Variants in TRIM66 observed in about 807,000 individuals in gnomAD.
TRIM66 encodes tripartite motif-containing protein 66.
TRIM66 carries 99 observed loss-of-function variants against 148.2 expected under a neutral mutation model. The ratio of observed to expected loss-of-function variants is 0.67; its 90% CI spans 0.57 to 0.79. The LOEUF is 0.79. Ranked by LOEUF, TRIM66 falls within the 30% of genes least tolerant of loss-of-function variation. TRIM66 has a pLI of 0.00. For synonymous variants in TRIM66, 616 were observed against 635.9 expected (o/e 0.97, Z 0.47); for missense variants, 1,666 against 1,697.9 (o/e 0.98, Z 0.33).
At chr11:8,643,226 G>A (rs2036553732) in intron 12 of TRIM66, 100 bp from the exon 13 acceptor site, 2 of 981,086 alleles carry the variant, frequency 2.0e-6, no homozygotes, top group Admixed American at 2.4e-5. Context: ...TCAAAGTCAT[G>A]GCCCTTTAAC....
Position 8,643,037 on chromosome 11 carries a change from G to GT in TRIM66, c.1193dup (p.Asn398LysfsTer16), listed in dbSNP as rs760736587. 6.4e-7 allele frequency: 1 copy of GT among 1,551,302 alleles called. No homozygotes were observed. The highest frequency in any genetic ancestry group is 1.2e-5 in the South Asian group (1 of 83,972). Reference sequence around the variant, plus strand: ...GAGAAGCTAGCTGCTTGGTCCAGAAGTTAGGCTCCCAGGTGAATCTGATAC... The same window carrying GT: ...GAGAAGCTAGCTGCTTGGTCCAGAAGTTTAGGCTCCCAGGTGAATCTGATAC... On this transcript the variant is annotated frameshift_variant, in exon 13 of 25. Coordinates refer to ENST00000646038, the MANE Select transcript of TRIM66 (RefSeq NM_001388022.1). LOFTEE classifies it high-confidence loss of function.
chr11:8,674,072 A>C (rs2039068659), intron 4 of TRIM66, among the ~76,000 whole-genome samples: 1 of 152,252 alleles, frequency 6.6e-6, no homozygotes, highest in South Asian at 2.1e-4. Context: ...AGACGAGGAC[A>C]GTCTCTATTA....
chr11:8,614,976 T>C lies in TRIM66; in HGVS notation c.*2968A>G, dbSNP rs914649721. The stretch of plus-strand genomic sequence containing the variant: ...CGGAGTCTCGTTCTGTTGCCCAGGC[T>C]GGAATGCAATGGCATGATCTCAGCT... On this transcript the variant is annotated 3_prime_UTR_variant, in exon 25 of 25. Coordinates refer to ENST00000646038, the MANE Select transcript of TRIM66 (RefSeq NM_001388022.1). 6 of 152,274 alleles carry C rather than the reference T, an allele frequency of 3.9e-5. No individual in the cohort carries two copies. Among genetic ancestry groups the C allele is most frequent in the African/African-American group, 1.4e-4 (6 of 41,434 alleles). The allele number at this position is 152,274 out of a possible 1,614,324, so 9.4% of individuals were successfully genotyped here. A position where few individuals can be genotyped will look rare whatever the true frequency, so the allele number is the denominator to read the frequency against.
At chr11:8,671,126 C>T (rs1320799714) in intron 6 of TRIM66, among the ~76,000 whole-genome samples, 1 of 152,208 alleles carries the variant, frequency 6.6e-6, no homozygotes, top group Non-Finnish European at 1.5e-5. Flanking sequence ...GGAAATACTG[C>T]AGAGAACAAA....
chr11:8,669,984 AGTT>A (rs2038835139), intron 6 of TRIM66, among the ~76,000 whole-genome samples: 1 of 150,682 alleles, frequency 6.6e-6, no homozygotes, highest in Admixed American at 6.6e-5. Flanking sequence ...CCTGATGGGT[AGTT>A]TTTTGTTTTG....
chr11:8,643,027 T>C lies in TRIM66; in HGVS notation c.1204A>G (p.Lys402Glu). 1.3e-6 allele frequency: 2 copies of C among 1,550,522 alleles called. No individual in the cohort carries two copies. Among genetic ancestry groups the C allele is most frequent in the African/African-American group, 2.7e-5 (2 of 73,036 alleles). The change falls in exon 13 of 25, where the codon AAG (lysine) becomes GAG (glutamate). Residue 402 changes from lysine to glutamate, a missense_variant. By Grantham distance (56) the Lys-to-Glu change is moderately conservative. Coordinates refer to ENST00000646038, the MANE Select transcript of TRIM66 (RefSeq NM_001388022.1). ...RFTWEPNFWT[K>E]QLASLGCITT... is the part of the protein sequence containing the mutation. Reference sequence around the variant, plus strand: ...AGCTCACCAAGAGAAGCTAGCTGCTTGGTCCAGAAGTTAGGCTCCCAGGTG... The same window carrying C: ...AGCTCACCAAGAGAAGCTAGCTGCTCGGTCCAGAAGTTAGGCTCCCAGGTG...
In TRIM66 at chr11:8,617,941, CT is replaced by C. The variant is rs2141781109; in HGVS notation, c.*2del. 6.4e-7 allele frequency: 1 copy of C among 1,551,694 alleles called. No homozygotes were observed. The highest frequency in any genetic ancestry group is 2.4e-5 in the East Asian group (1 of 40,924). ...GCCAGAGTGCCCAGTCTCCTTTTGG[CT>C]CTCACACCTGAGAGATGCTGTTGGC... is the stretch of plus-strand genomic sequence containing the variant. On this transcript the variant is annotated 3_prime_UTR_variant, in exon 25 of 25. Coordinates refer to ENST00000646038, the MANE Select transcript of TRIM66 (RefSeq NM_001388022.1).
intron 15 of TRIM66, among the ~76,000 whole-genome samples, chr11:8,634,734 T>A (rs1328544800): frequency 6.6e-6 from 1 of 152,192 alleles, no homozygotes; most frequent in African/African-American, 2.4e-5. Flanking sequence ...CTTTCACATC[T>A]CATTTTCAGC....
intron 23 of TRIM66, chr11:8,619,180 C>A (rs2033959291): frequency 9.7e-6 from 7 of 721,778 alleles, no homozygotes; most frequent in Non-Finnish European, 1.6e-5. Context: ...TGGCCACTCA[C>A]TAGTACCTCC....
intron 15 of TRIM66, among the ~76,000 whole-genome samples, chr11:8,637,053 T>C (rs898141665): frequency 8.5e-5 from 13 of 152,276 alleles, no homozygotes; most frequent in Admixed American, 7.8e-4. Context: ...GCCCAACTTC[T>C]CCTTTTCAAA....
intron 1 of TRIM66, chr11:8,680,536 A>G (rs760928434): frequency 6.6e-6 from 1 of 152,260 alleles, no homozygotes; most frequent in Non-Finnish European, 1.5e-5. Flanking sequence ...TAGTAGAAGA[A>G]GAGAAGGCTT....
At chr11:8,673,577 G>C (rs1194773977) in intron 4 of TRIM66, among the ~76,000 whole-genome samples, 1 of 152,190 alleles carries the variant, frequency 6.6e-6, no homozygotes, top group Non-Finnish European at 1.5e-5. Context: ...TGGGAAAACT[G>C]AGCCATCATC....
At chr11:8,619,098 C>A in intron 23 of TRIM66, 130 bp from the exon 24 acceptor site, 1 of 877,696 alleles carries the variant, frequency 1.1e-6, no homozygotes, top group Non-Finnish European at 1.7e-6. Flanking sequence ...TGACATTTTT[C>A]TCCTAGGACT....
Position 8,640,525 on chromosome 11 carries a change from G to A in TRIM66, c.1850C>T (p.Pro617Leu), listed in dbSNP as rs2036275934. ...PPLPHPPPPL[P>L]PPPQQPHPPL... is the part of the protein sequence containing the mutation. ...TGGGTGTGGCTGCTGTGGGGGAGGG[G>A]GAAGGGGAGGTGGGGGATGGGGGAG... is the stretch of plus-strand genomic sequence containing the variant. The change falls in exon 14 of 25, where the codon CCC (proline) becomes CTC (leucine). Residue 617 changes from proline to leucine, a missense_variant. This residue lies in a region of TRIM66 where 1,431 missense variants were observed against 1,412.4 expected (regional missense o/e 1.01). Coordinates refer to ENST00000646038, the MANE Select transcript of TRIM66 (RefSeq NM_001388022.1). 6.6e-7 allele frequency: 1 copy of A among 1,526,494 alleles called. No homozygotes were observed. The highest frequency in any genetic ancestry group is 2.0e-5 in the Admixed American group (1 of 50,470). The allele number at this position is 1,526,494 out of a possible 1,614,324, so 94.6% of individuals were successfully genotyped here. A position where few individuals can be genotyped will look rare whatever the true frequency, so the allele number is the denominator to read the frequency against.
In TRIM66 at chr11:8,614,115, A is replaced by C. The variant is rs1371586873; in HGVS notation, c.*3829T>G. The C allele has an allele frequency of 6.6e-6, 1 of 152,360 alleles. No individual in the cohort carries two copies. The highest frequency in any genetic ancestry group is 1.5e-5 in the Non-Finnish European group (1 of 68,194). 9.4% of individuals were successfully genotyped at this position (152,360 alleles called of 1,614,324 possible). ...CACTTTGGGAGGCCAAGGGAAGCAGACTGCTTGAGCCCAGGAGTGTTGATA... is the reference window on the plus strand; with the variant it reads ...CACTTTGGGAGGCCAAGGGAAGCAGCCTGCTTGAGCCCAGGAGTGTTGATA... On this transcript the variant is annotated 3_prime_UTR_variant, in exon 25 of 25. Coordinates refer to ENST00000646038, the MANE Select transcript of TRIM66 (RefSeq NM_001388022.1).
chr11:8,637,661 C>T (rs946153428), intron 15 of TRIM66, among the ~76,000 whole-genome samples: 91 of 152,310 alleles, frequency 6.0e-4, no homozygotes, highest in African/African-American at 2.1e-3. Flanking sequence ...GGGGCAGGTA[C>T]ACTGAGCAAC....
rs1298653442 is a variant in TRIM66, at chr11:8,616,114, G to T, written c.*1830C>A. The T allele has an allele frequency of 6.6e-6, 1 of 152,190 alleles. No individual in the cohort carries two copies. Among genetic ancestry groups the T allele is most frequent in the East Asian group, 1.9e-4 (1 of 5,192 alleles). 9.4% of individuals were successfully genotyped at this position (152,190 alleles called of 1,614,324 possible). On this transcript the variant is annotated 3_prime_UTR_variant, in exon 25 of 25. Coordinates refer to ENST00000646038, the MANE Select transcript of TRIM66 (RefSeq NM_001388022.1). ...AGAAGCCTAAGTCCAAAGATTGCCG[G>T]ACTAGTAAAGCATTCAAGACTCAGT...
At chr11:8,619,640 G>A (rs921991990) in intron 22 of TRIM66, 105 bp from the exon 23 acceptor site, 37 of 1,097,822 alleles carry the variant, frequency 3.4e-5, no homozygotes, top group African/African-American at 9.6e-5. Flanking sequence ...AAATATAAGT[G>A]AAAGAATAGG....
Position 8,682,633 on chromosome 11 carries a change from G to A in TRIM66, c.-580C>T. On this transcript the variant is annotated 5_prime_UTR_variant, in exon 1 of 25. Transcript: ENST00000646038. ...GTACACCGCCACCAGGACACTCCGT[G>A]ATGGGGGATCACCACCCTCAGAAAG... The A allele has an allele frequency of 1.4e-6, 1 of 701,228 alleles. No individual in the cohort carries two copies. Among genetic ancestry groups the A allele is most frequent in the Non-Finnish European group, 2.5e-6 (1 of 392,358 alleles). 43.4% of individuals were successfully genotyped at this position (701,228 alleles called of 1,614,324 possible).
Sources: gnomAD v4.1 joint callset for allele counts (sites outside exome capture counted in the v4.1 genomes callset) on GRCh38, gnomAD v4.1.1 for gene constraint, gnomAD v4.1.1 regional missense constraint, MANE v1.5 for transcripts, NCBI Gene and HGNC (gene_info 2026-07-23, HGNC 2026-07-21) for gene names.